The following KAZN variants were observed in gnomAD, a reference collection of about 807,000 sequenced individuals.
The protein encoded by KAZN is kazrin, periplakin interacting protein.
Under a neutral mutation model 87.4 loss-of-function variants are expected in KAZN, and 40 were observed. The ratio of observed to expected loss-of-function variants is 0.46; its 90% CI spans 0.36 to 0.60. The LOEUF (loss-of-function observed/expected upper bound fraction) is 0.60, where lower values mean the gene tolerates loss of function less well. Among genes scored for constraint, KAZN ranks in the 20% least tolerant of loss-of-function variants. KAZN has a pLI of 0.00. For missense variants in KAZN, 898 were observed against 1,073.9 expected, an observed-to-expected ratio of 0.84 and a Z score of 2.29; for synonymous variants, 466 against 458.3, an observed-to-expected ratio of 1.02 and a Z score of -0.22.
intron 2 of KAZN, among the ~76,000 whole-genome samples, chr1:14,540,230 C>T (rs575214978): frequency 6.6e-6 from 1 of 152,220 alleles, no homozygotes; most frequent in South Asian, 2.1e-4. Flanking sequence ...TTTATGAGAC[C>T]ATACGGTGAC....
chr1:14,396,794 T>A lies in KAZN; in HGVS notation c.250-202189T>A, dbSNP rs181579565. On this transcript the variant is annotated intron_variant, in intron 2 of 16. Coordinates refer to the KAZN transcript ENST00000636203. The stretch of plus-strand genomic sequence containing the variant: ...GCCACTCAATTTAAGCCATGCAGCC[T>A]GGATCTGTTTTTAGCTGTGAGATTG... Among the ~76,000 whole-genome samples the A allele has an allele frequency of 3.3e-5, 5 of 152,350 alleles. No individual in the cohort carries two copies. In the East Asian group the frequency reaches 9.6e-4, roughly 29 times the overall value.
Position 13,900,107 on chromosome 1 carries a change from G to C in KAZN, c.91+6351G>C, listed in dbSNP as rs140261386. Among the ~76,000 whole-genome samples, 15 of 152,192 alleles carry C rather than the reference G, an allele frequency of 9.9e-5. No homozygotes were observed. The East Asian group carries it at 2.9e-3, about 29-fold the overall frequency. On this transcript the variant is annotated intron_variant, in intron 1 of 16. Coordinates refer to the KAZN transcript ENST00000636203. ...GTGGAATCTGGCAAAGCAAAATTGCGGTTATGTTCATTCTCTTTCTCAAGA... is the reference window on the plus strand; with the variant it reads ...GTGGAATCTGGCAAAGCAAAATTGCCGTTATGTTCATTCTCTTTCTCAAGA...
chr1:14,300,490 C>T (rs1308154420), intron 2 of KAZN, among the ~76,000 whole-genome samples: 2 of 152,152 alleles, frequency 1.3e-5, no homozygotes, highest in Non-Finnish European at 2.9e-5. Context: ...CCTGCCTCAG[C>T]CTCCCAAAGT....
intron 1 of KAZN, among the ~76,000 whole-genome samples, chr1:13,939,976 C>T (rs897056184): frequency 9.2e-5 from 14 of 152,132 alleles, no homozygotes; most frequent in African/African-American, 3.4e-4. Context: ...AGAAATCTGA[C>T]TCCATGATCT....
At chr1:14,164,733 T>C (rs1645787131) in intron 1 of KAZN, among the ~76,000 whole-genome samples, 3 of 151,994 alleles carry the variant, frequency 2.0e-5, no homozygotes, top group Admixed American at 2.0e-4. Context: ...ACAGATGGGG[T>C]TTCTCCATGT....
At chr1:14,146,734 G>A (rs913270412) in intron 1 of KAZN, among the ~76,000 whole-genome samples, 1 of 149,192 alleles carries the variant, frequency 6.7e-6, no homozygotes, top group African/African-American at 2.4e-5. Flanking sequence ...AATGCTGGGA[G>A]TGACTTGATG....
intron 2 of KAZN, among the ~76,000 whole-genome samples, chr1:14,466,701 G>A (rs890795398): frequency 6.6e-6 from 1 of 151,598 alleles, no homozygotes; most frequent in Non-Finnish European, 1.5e-5. Flanking sequence ...AGGCGCGGTG[G>A]CTCACGCCTG....
chr1:15,110,650 A>G, intron 13 of KAZN, among the ~76,000 whole-genome samples: 1 of 152,196 alleles, frequency 6.6e-6, no homozygotes, highest in Admixed American at 6.5e-5. Flanking sequence ...GGCCCAGGCC[A>G]TGCCAACGCT....
chr1:14,657,071 G>A (rs1424217242), intron 1 of KAZN, among the ~76,000 whole-genome samples: 1 of 135,942 alleles, frequency 7.4e-6, no homozygotes. Context: ...GGGGTGAAGA[G>A]AGAGGCTTTT....
intron 1 of KAZN, among the ~76,000 whole-genome samples, chr1:14,927,530 G>A (rs747862683): frequency 1.2e-4 from 18 of 152,164 alleles, no homozygotes; most frequent in East Asian, 1.9e-4. Context: ...AGAGGAGCAC[G>A]TTCTAGAATG....
At chr1:15,082,171 C>T (rs1051307152) in intron 8 of KAZN, among the ~76,000 whole-genome samples, 1 of 152,094 alleles carries the variant, frequency 6.6e-6, no homozygotes, top group African/African-American at 2.4e-5. Context: ...CTCAGCCCCC[C>T]TATCTGAGGT....
At position 14,367,200 on chromosome 1, in the gene KAZN, G is replaced by C. The variant is rs544372140; in HGVS notation, c.249+186608G>C. 6.9e-4 allele frequency among the ~76,000 whole-genome samples: 105 copies of C among 152,316 alleles called. 4 individuals are homozygous for C. The South Asian group carries it at 0.021, about 31-fold the overall frequency. ...ACTAAGATCACACCACTGCACTCCA[G>C]CCGAGGTGACAGAGCAAGACTCTTG... On this transcript the variant is annotated intron_variant, in intron 2 of 16. Coordinates refer to the KAZN transcript ENST00000636203.
chr1:14,945,206 A>G (rs958382523), intron 1 of KAZN, among the ~76,000 whole-genome samples: 2 of 152,186 alleles, frequency 1.3e-5, no homozygotes, highest in Admixed American at 6.5e-5. Context: ...CCTCGCAGCT[A>G]TAGATGGTGG....
chr1:14,317,658 C>A (rs989546275), intron 2 of KAZN, among the ~76,000 whole-genome samples: 1 of 151,270 alleles, frequency 6.6e-6, no homozygotes, highest in African/African-American at 2.4e-5. Context: ...CTGTCTTTTT[C>A]TCCATCTTCA....
Position 14,322,166 on chromosome 1 carries a change from C to T in KAZN, c.249+141574C>T, listed in dbSNP as rs551839345. Reference sequence around the variant, plus strand: ...AATTAGAAGACATGGTGACATGTGCCTGTACTCCCAACTACTCAGGAGATT... The same window carrying T: ...AATTAGAAGACATGGTGACATGTGCTTGTACTCCCAACTACTCAGGAGATT... On this transcript the variant is annotated intron_variant, in intron 2 of 16. Transcript: ENST00000636203. 5.1e-3 allele frequency among the ~76,000 whole-genome samples: 774 copies of T among 152,204 alleles called. 4 individuals carry two copies. Among genetic ancestry groups the T allele is most frequent in the Non-Finnish European group, 7.9e-3 (540 of 68,010 alleles).
chr1:15,056,196 G>A lies in KAZN; in HGVS notation c.832G>A (p.Ala278Thr). 1 of 1,614,148 alleles carries A rather than the reference G, an allele frequency of 6.2e-7. No individual in the cohort carries two copies. Among genetic ancestry groups the A allele is most frequent in the Admixed American group, 1.7e-5 (1 of 60,028 alleles). The stretch of plus-strand genomic sequence containing the variant: ...TGGCAACCAGGAGTGGGTGGTGCAG[G>A]CGGACCTCCCGCTGACCGCAGCCAT... ...LNGNQEWVVQADLPLTAAIRQ... is the reference protein window; with the variant it reads ...LNGNQEWVVQTDLPLTAAIRQ... The change falls in exon 5 of 15, where the codon GCG (alanine) becomes ACG (threonine). Residue 278 changes from alanine (A) to threonine (T), a missense_variant. This residue lies in a region of KAZN where 521 missense variants were observed against 689.4 expected (regional missense o/e 0.76). Transcript: ENST00000376030. The surrounding 1 kb of genome is among the most constrained non-coding windows in gnomAD (Gnocchi z 5.4).
chr1:13,935,256 T>TAATAAC (rs1234403969), intron 1 of KAZN, among the ~76,000 whole-genome samples: 1 of 151,200 alleles, frequency 6.6e-6, no homozygotes, highest in African/African-American at 2.4e-5. Context: ...GTAGTAGTAA[T>TAATAAC]AATAATAATA....
rs184544972 is a variant in KAZN, at chr1:13,934,975, G to A, written c.91+41219G>A. Among the ~76,000 whole-genome samples the A allele has an allele frequency of 7.0e-4, 107 of 152,124 alleles. 1 individual carries two copies. Among genetic ancestry groups the A allele is most frequent in the Middle Eastern group, 3.4e-3 (1 of 294 alleles). ...TTCAGGGCCGGGTGTGGTGGCTTAC[G>A]CCTGTAATCCCAGCACCTTGAGAGG... On this transcript the variant is annotated intron_variant, in intron 1 of 16. Transcript: ENST00000636203.
chr1:15,044,111 G>A lies in KAZN; in HGVS notation c.678G>A (p.Leu226=), dbSNP rs149987697. Reference sequence around the variant, plus strand: ...ACGCCACGGCACTGCGCTCCCAGCTGGACCTCAAGGACAACCGGATGAAGG... The same window carrying A: ...ACGCCACGGCACTGCGCTCCCAGCTAGACCTCAAGGACAACCGGATGAAGG... The part of the protein sequence containing the change: ...TDHATALRSQ[L]DLKDNRMKEL... The change falls in exon 4 of 15, where the codon CTG becomes CTA. Residue 226 remains leucine, a synonymous_variant. Transcript: ENST00000376030. 1 of 1,611,630 alleles carries A rather than the reference G, an allele frequency of 6.2e-7. No homozygotes were observed. Among genetic ancestry groups the A allele is most frequent in the African/African-American group, 1.3e-5 (1 of 74,904 alleles).
Sources: allele counts gnomAD v4.1 joint callset (sites outside exome capture counted in the v4.1 genomes callset), GRCh38; gene constraint gnomAD v4.1.1; regional missense constraint gnomAD v4.1.1; non-coding constraint Gnocchi (gnomAD v3.1); transcripts MANE v1.5; gene names NCBI Gene and HGNC (gene_info 2026-07-23, HGNC 2026-07-21).